ATG2A: variants seen among roughly 807,000 people sequenced by gnomAD.
ATG2A encodes autophagy-related protein 2 homolog A.
A neutral mutation model predicts 214.2 loss-of-function variants in ATG2A; 103 were observed. That is an observed-to-expected ratio of 0.48 (90% CI 0.41 to 0.57). The LOEUF (loss-of-function observed/expected upper bound fraction) is 0.57. Ranked by LOEUF, ATG2A falls within the 20% of genes least tolerant of loss-of-function variation. The pLI is 0.00. For synonymous variants in ATG2A, 1,160 were observed against 1,142.1 expected (o/e 1.02, Z -0.32); for missense variants, 2,312 against 2,613.2 (o/e 0.88, Z 2.51).
chr11:64,898,793 G>T lies in ATG2A; in HGVS notation c.4514C>A (p.Ala1505Glu), dbSNP rs375430002. The T allele has an allele frequency of 4.5e-5, 73 of 1,613,342 alleles. No individual in the cohort carries two copies. The highest frequency in any genetic ancestry group is 6.0e-5 in the Non-Finnish European group (71 of 1,180,016). The change falls in exon 32 of 41, where the codon GCG (alanine) becomes GAG (glutamate). Residue 1505 changes from alanine (A) to glutamate (E), a missense_variant. Ala to Glu is a moderately radical substitution (Grantham distance 107, BLOSUM62 -1). Coordinates refer to ENST00000377264, the MANE Select transcript of ATG2A (RefSeq NM_015104.3). The surrounding 1 kb of genome is among the most constrained non-coding windows in gnomAD (Gnocchi z 4.5). ...CTCCTCCAGCTCCTGGCTGGGGGCC[G>T]CAGGGCCTGTGGCTGGCTCCGCTGG... ...VYPAEPATGP[A>E]APSQELEERP...
intron 24 of ATG2A, among the ~76,000 whole-genome samples, chr11:64,904,816 T>TTATCTATC (rs1555184661): frequency 3.8e-4 from 55 of 145,266 alleles, no homozygotes; most frequent in African/African-American, 1.5e-3. Flanking sequence ...TCTATATTTT[T>TTATCTATC]TATCTATCTA....
chr11:64,908,946 G>T (rs954339699), intron 16 of ATG2A, 45 bp downstream of exon 16: 34 of 1,540,002 alleles, frequency 2.2e-5, no homozygotes, highest in Non-Finnish European at 2.9e-5. Context: ...GAACCCGGGC[G>T]GTGGGCGGGA....
intron 1 of ATG2A, among the ~76,000 whole-genome samples, chr11:64,915,260 G>A (rs962767078): frequency 4.0e-5 from 6 of 151,754 alleles, no homozygotes; most frequent in Admixed American, 3.9e-4. Flanking sequence ...AGCTCCTGGA[G>A]GGCTGTACCC....
chr11:64,907,642 A>G lies in ATG2A; in HGVS notation c.2530T>C (p.Trp844Arg), dbSNP rs370044588. 1 of 1,598,244 alleles carries G rather than the reference A, an allele frequency of 6.3e-7. No individual in the cohort carries two copies. The highest frequency in any genetic ancestry group is 1.1e-5 in the South Asian group (1 of 89,290). ...GTGGGAAGCAGATCTGCAGGCTCCC[A>G]CATGAGCAGGTCGTTGTTGATCCTG... is the stretch of plus-strand genomic sequence containing the variant. ...YNRINNDLLM[W>R]EPADLLPTPD... is the part of the protein sequence containing the mutation. The change falls in exon 18 of 41, where the codon TGG becomes CGG. Residue 844 changes from tryptophan to arginine, a missense_variant. Coordinates refer to ENST00000377264, the MANE Select transcript of ATG2A (RefSeq NM_015104.3).
chr11:64,907,203 C>A (rs371742831), intron 19 of ATG2A, 52 bp downstream of exon 19: 2 of 1,452,238 alleles, frequency 1.4e-6, no homozygotes, highest in Non-Finnish European at 9.1e-7. Flanking sequence ...CTTGCTCTGC[C>A]GCCAATGGGA....
chr11:64,903,148 G>A lies in ATG2A; in HGVS notation c.3612+140C>T. On this transcript the variant is annotated intron_variant, in intron 26 of 40. Coordinates refer to ENST00000377264, the MANE Select transcript of ATG2A (RefSeq NM_015104.3). This position sits in a 1 kb window ranked among gnomAD's most constrained non-coding sequence, Gnocchi z 4.2. ...GCTGTACTATGGCCCTTTGCAGGAG[G>A]GGCGCTAACTGCAGCCCAGGAAGGG... is the stretch of plus-strand genomic sequence containing the variant. The A allele has an allele frequency of 1.4e-6, 1 of 738,768 alleles. No homozygotes were observed. Among genetic ancestry groups the A allele is most frequent in the South Asian group, 1.7e-5 (1 of 60,236 alleles). The allele number at this position is 738,768 out of a possible 1,614,324, so 45.8% of individuals were successfully genotyped here. A position where few individuals can be genotyped will look rare whatever the true frequency, so the allele number is the denominator to read the frequency against.
Position 64,897,206 on chromosome 11 carries a change from CG to C in ATG2A, c.5150+205del, listed in dbSNP as rs367790762. The C allele has an allele frequency of 6.8e-3, 4,398 of 643,428 alleles. 153 individuals are homozygous for C. In the African/African-American group the frequency reaches 0.072, roughly 11 times the overall value. The allele number at this position is 643,428 out of a possible 1,614,324, so 39.9% of individuals were successfully genotyped here. A position where few individuals can be genotyped will look rare whatever the true frequency, so the allele number is the denominator to read the frequency against. ...CTAATTTTTGTATTTTTAGTAGAGA[CG>C]GGGGGGTTTCACCATGTTGGTCAGG... is the stretch of plus-strand genomic sequence containing the variant. On this transcript the variant is annotated intron_variant, in intron 37 of 40. Transcript: ENST00000377264.
At chr11:64,914,059 C>G in intron 3 of ATG2A, 22 bp downstream of exon 3, 1 of 1,535,476 alleles carries the variant, frequency 6.5e-7, no homozygotes, top group Non-Finnish European at 8.8e-7. Context: ...GGAGACAGGG[C>G]GGCCAGGAGG....
At chr11:64,899,570 A>AC (rs1223183655) in intron 31 of ATG2A, among the ~76,000 whole-genome samples, 1 of 151,400 alleles carries the variant, frequency 6.6e-6, no homozygotes, top group Non-Finnish European at 1.5e-5. Context: ...AGCAAGTGGG[A>AC]CCCCCCTGCC....
Position 64,902,576 on chromosome 11 carries a change from G to T in ATG2A, c.3717C>A (p.Ser1239Arg), listed in dbSNP as rs1944394748. Residue 1239 changes from serine to arginine, a missense_variant, in exon 27 of 41, where the codon AGC (serine) becomes AGA (arginine). Ser to Arg is a moderately radical substitution (Grantham distance 110, BLOSUM62 -1). Transcript: ENST00000377264. ...LLVNLLQYVM[S>R]TGDLHPPPRP... ...GGGGTGGGGGGTGCAGATCGCCTGT[G>T]CTCATTACGTACTGGAGCAGGTTGA... The T allele has an allele frequency of 7.5e-6, 12 of 1,599,944 alleles. No homozygotes were observed. The highest frequency in any genetic ancestry group is 1.0e-5 in the Non-Finnish European group (12 of 1,175,250).
intron 31 of ATG2A, among the ~76,000 whole-genome samples, chr11:64,899,731 CCA>C (rs1389999488): frequency 6.6e-6 from 1 of 152,138 alleles, no homozygotes; most frequent in Non-Finnish European, 1.5e-5. Context: ...GAGCCCCACC[CCA>C]CAGAGGCCTC....
intron 37 of ATG2A, chr11:64,897,160 T>C (rs1590620246): frequency 3.3e-6 from 2 of 611,642 alleles, no homozygotes; most frequent in Non-Finnish European, 2.8e-6. Flanking sequence ...TGGGATTACA[T>C]GTGTATGCCA....
chr11:64,897,207 G>T (rs1565738624), intron 37 of ATG2A: 7 of 627,252 alleles, frequency 1.1e-5, no homozygotes, highest in African/African-American at 2.1e-5. Context: ...TAGTAGAGAC[G>T]GGGGGGTTTC....
chr11:64,902,073 G>A lies in ATG2A; in HGVS notation c.4008C>T (p.Ser1336=), dbSNP rs1198290350. 6.2e-7 allele frequency: 1 copy of A among 1,614,002 alleles called. No homozygotes were observed. Among genetic ancestry groups the A allele is most frequent in the Admixed American group, 1.7e-5 (1 of 60,022 alleles). Residue 1336 remains serine, a synonymous_variant, in exon 29 of 41, where the codon AGC becomes AGT. Coordinates refer to ENST00000377264, the MANE Select transcript of ATG2A (RefSeq NM_015104.3). The part of the protein sequence containing the change: ...PSPPVGGPAG[S]LGSCSEEKED... The stretch of plus-strand genomic sequence containing the variant: ...CCTTCTCCTCTGAGCATGACCCTAA[G>A]CTGCCAGCAGGGCCCCCGACAGGTG...
At position 64,896,444 on chromosome 11, in the gene ATG2A, T is replaced by C. The variant is rs747409539; in HGVS notation, c.5427+18A>G. On this transcript the variant is annotated intron_variant, in intron 39 of 40. Transcript: ENST00000377264. Reference sequence around the variant, plus strand: ...GCTGCTCTGTCCTGCACAGCCCAGATACAGGGCACCCACTCACCTGGATAG... The same window carrying C: ...GCTGCTCTGTCCTGCACAGCCCAGACACAGGGCACCCACTCACCTGGATAG... The C allele has an allele frequency of 1.9e-6, 3 of 1,601,358 alleles. No homozygotes were observed. The highest frequency in any genetic ancestry group is 2.6e-6 in the Non-Finnish European group (3 of 1,173,866).
rs771194231 is a variant in ATG2A, at chr11:64,905,627, T to C, written c.3400A>G (p.Ile1134Val). ...GAGAGAGTGAAGGTCTCCGCGGTGATGAGGACACGCACTGGGAGGTAGAGT... is the reference window on the plus strand; with the variant it reads ...GAGAGAGTGAAGGTCTCCGCGGTGACGAGGACACGCACTGGGAGGTAGAGT... The part of the protein sequence containing the change: ...RPLYLPVRVL[I>V]TAETFTLSSN... Residue 1134 changes from isoleucine to valine, a missense_variant, in exon 24 of 41, where the codon ATC (isoleucine) becomes GTC (valine). Physicochemically the swap from Ile to Val is conservative, Grantham distance 29. Transcript: ENST00000377264. 6.2e-7 allele frequency: 1 copy of C among 1,613,834 alleles called. No individual in the cohort carries two copies. Among genetic ancestry groups the C allele is most frequent in the Non-Finnish European group, 8.5e-7 (1 of 1,179,910 alleles).
Position 64,913,099 on chromosome 11 carries a change from C to T in ATG2A, c.764G>A (p.Cys255Tyr), listed in dbSNP as rs1198567636. Residue 255 changes from cysteine to tyrosine, a missense_variant, in exon 6 of 41, where the codon TGC becomes TAC. By Grantham distance (194) the Cys-to-Tyr change is radical (BLOSUM62 -2). Transcript: ENST00000377264. The surrounding 1 kb of genome is among the most constrained non-coding windows in gnomAD (Gnocchi z 4.3). ...PPEPPLQIGS[C>Y]SGYMELMVKL... ...CACCATCAGCTCCATGTACCCTGAG[C>T]AGCTGCCGATCTGCAAGGGGGGCTC... The T allele has an allele frequency of 1.9e-6, 3 of 1,575,470 alleles. No homozygotes were observed. The highest frequency in any genetic ancestry group is 2.6e-6 in the Non-Finnish European group (3 of 1,157,982).
Position 64,905,813 on chromosome 11 carries a change from C to A in ATG2A, c.3300G>T (p.Val1100=). ...TGACCGTCGGGGGCAGGTAGCCCAG[C>A]ACAGGGTCATCCAGCACGTCTAGGA... The part of the protein sequence containing the change: ...LEFLDVLDDP[V]LGYLPPTVIT... Residue 1100 remains valine (V), a synonymous_variant, in exon 23 of 41, where the codon GTG becomes GTT. Transcript: ENST00000377264. 6.8e-6 allele frequency: 11 copies of A among 1,613,700 alleles called. No homozygotes were observed. In the South Asian group the frequency reaches 1.1e-4, roughly 16 times the overall value.
At position 64,912,222 on chromosome 11, in the gene ATG2A, T is replaced by C; in HGVS notation, c.950A>G (p.Asn317Ser). ...TTCGGCACCTAGCGGGCGGCTCTTG[T>C]TCAGCTTGTCAGCCAGGCCCTCGTG... Reference protein sequence around the residue: ...TDHEGLADKLNKSRPLGAEDL... With the variant: ...TDHEGLADKLSKSRPLGAEDL... Residue 317 changes from asparagine (N) to serine (S), a missense_variant, in exon 8 of 41, where the codon AAC becomes AGC. Transcript: ENST00000377264. 1 of 1,613,558 alleles carries C rather than the reference T, an allele frequency of 6.2e-7. No individual in the cohort carries two copies. Among genetic ancestry groups the C allele is most frequent in the South Asian group, 1.1e-5 (1 of 91,078 alleles).
Sources: allele counts gnomAD v4.1 joint callset (sites outside exome capture counted in the v4.1 genomes callset), GRCh38; gene constraint gnomAD v4.1.1; non-coding constraint Gnocchi (gnomAD v3.1); transcripts MANE v1.5; gene names NCBI Gene and HGNC (gene_info 2026-07-23, HGNC 2026-07-21).